The following GOPC variants were observed in gnomAD, a reference collection of about 807,000 sequenced individuals.
GOPC encodes the protein Golgi-associated PDZ and coiled-coil motif-containing protein.
A neutral mutation model predicts 51.2 loss-of-function variants in GOPC; 32 were observed. That is an observed-to-expected ratio of 0.63 (90% confidence interval 0.47 to 0.84). GOPC has a LOEUF of 0.84. Among genes scored for constraint, GOPC ranks in the 40% least tolerant of loss-of-function variants. The probability of loss-of-function intolerance (pLI) is 0.00; values close to 1 mark genes in which losing one functional copy is unlikely to be tolerated. For missense variants in GOPC, 441 were observed against 555.5 expected, an observed-to-expected ratio of 0.79 and a Z score of 2.07; for synonymous variants, 190 against 205.1, an observed-to-expected ratio of 0.93 and a Z score of 0.63.
chr6:117,573,781 T>TAA, intron 4 of GOPC, 149 bp from the exon 5 acceptor site: 1 of 560,312 alleles, frequency 1.8e-6, no homozygotes. Flanking sequence ...CTCTCAGATA[T>TAA]AAAAAAAATA....
Position 117,569,664 on chromosome 6 carries a change from C to T in GOPC, c.985G>A (p.Gly329Arg). 6.2e-7 allele frequency: 1 copy of T among 1,611,784 alleles called. No homozygotes were observed. Among genetic ancestry groups the T allele is most frequent in the East Asian group, 2.2e-5 (1 of 44,740 alleles). Residue 329 changes from glycine (G) to arginine (R), a missense_variant, in exon 7 of 9, where the codon GGG becomes AGG. Transcript: ENST00000368498. The stretch of plus-strand genomic sequence containing the variant: ...AAAATAGCATCCCCAACGTGCAGCC[C>T]TCCGCATCTATCAGCAGGTTGCCCC... ...HPGQPADRCG[G>R]LHVGDAILAV...
intron 8 of GOPC, 109 bp from the exon 9 acceptor site, chr6:117,563,493 G>A: frequency 5.0e-6 from 5 of 1,004,622 alleles, no homozygotes; most frequent in Non-Finnish European, 7.5e-6. Context: ...AGGCCAAGGT[G>A]GGTGGATAAC....
chr6:117,567,465 C>A (rs1017428744), intron 7 of GOPC, among the ~76,000 whole-genome samples: 2 of 151,972 alleles, frequency 1.3e-5, no homozygotes, highest in African/African-American at 4.8e-5. Context: ...TTCAAGAAAC[C>A]CCTAGAAAAT....
At chr6:117,567,130 G>C in intron 7 of GOPC, 96 bp from the exon 8 acceptor site, 1 of 723,308 alleles carries the variant, frequency 1.4e-6, no homozygotes, top group Non-Finnish European at 2.1e-6. Context: ...GGGGTAGAGA[G>C]ATCTAAGAGA....
chr6:117,581,132 A>G (rs1779951055), intron 1 of GOPC, among the ~76,000 whole-genome samples: 1 of 152,202 alleles, frequency 6.6e-6, no homozygotes, highest in South Asian at 2.1e-4. Flanking sequence ...TAAAGAAAAT[A>G]AATAAGTGAA....
chr6:117,579,900 A>G (rs1779933940), intron 1 of GOPC, among the ~76,000 whole-genome samples: 1 of 152,112 alleles, frequency 6.6e-6, no homozygotes, highest in Admixed American at 6.6e-5. Context: ...TATGCCCTTG[A>G]CAAGCTTTCA....
In GOPC at chr6:117,593,264, A is replaced by G. The variant is rs570786906; in HGVS notation, c.285+8740T>C. The stretch of plus-strand genomic sequence containing the variant: ...CCTATTTTACAGAAAAAAAAAAGCC[A>G]TCAGACAGAAACTTCCACAACCTCC... On this transcript the variant is annotated intron_variant, in intron 1 of 8. Transcript: ENST00000368498. 2.0e-5 allele frequency among the ~76,000 whole-genome samples: 3 copies of G among 151,986 alleles called. No homozygotes were observed. The South Asian group carries it at 6.2e-4, about 32-fold the overall frequency.
At chr6:117,583,838 A>C (rs1332989400) in intron 1 of GOPC, among the ~76,000 whole-genome samples, 1 of 152,194 alleles carries the variant, frequency 6.6e-6, no homozygotes, top group Non-Finnish European at 1.5e-5. Flanking sequence ...TCAAACATTT[A>C]ACAAAGTGTT....
In GOPC at chr6:117,568,153, T is replaced by C. The variant is rs986918528; in HGVS notation, c.1078-1119A>G. Reference sequence around the variant, plus strand: ...AGGTTGAGGCTGCAGTGGTCCGTAATTGTGCCACTGCACTCCAGCCTGGGT... The same window carrying C: ...AGGTTGAGGCTGCAGTGGTCCGTAACTGTGCCACTGCACTCCAGCCTGGGT... On this transcript the variant is annotated intron_variant, in intron 7 of 8. Coordinates refer to ENST00000368498, the MANE Select transcript of GOPC (RefSeq NM_020399.4). 2.6e-4 allele frequency among the ~76,000 whole-genome samples: 39 copies of C among 152,038 alleles called. 2 individuals are homozygous for C. Among genetic ancestry groups the C allele is most frequent in the African/African-American group, 9.4e-4 (39 of 41,382 alleles).
intron 2 of GOPC, among the ~76,000 whole-genome samples, chr6:117,577,926 T>C (rs985437970): frequency 2.6e-5 from 4 of 152,074 alleles, no homozygotes; most frequent in Admixed American, 1.3e-4. Flanking sequence ...TAGGAACTAA[T>C]TAACCAAATG....
intron 3 of GOPC, among the ~76,000 whole-genome samples, chr6:117,576,450 C>T (rs771386901): frequency 6.6e-6 from 1 of 152,030 alleles, no homozygotes; most frequent in Non-Finnish European, 1.5e-5. Flanking sequence ...TCAAAAGAAA[C>T]CAGTTTGGAG....
intron 8 of GOPC, 44 bp downstream of exon 8, chr6:117,566,807 TTAA>T: frequency 1.6e-6 from 2 of 1,244,972 alleles, no homozygotes; most frequent in Non-Finnish European, 2.2e-6. Flanking sequence ...TTTTAAACAT[TTAA>T]TAATAATGAA....
At chr6:117,571,660 C>A (rs1779809657) in intron 5 of GOPC, among the ~76,000 whole-genome samples, 1 of 152,136 alleles carries the variant, frequency 6.6e-6, no homozygotes, top group African/African-American at 2.4e-5. Context: ...CCTTGCCACT[C>A]ACATTCAGTC....
chr6:117,587,315 A>C (rs566955742), intron 1 of GOPC, among the ~76,000 whole-genome samples: 1 of 152,170 alleles, frequency 6.6e-6, no homozygotes, highest in Non-Finnish European at 1.5e-5. Flanking sequence ...TTTTATCCAG[A>C]TATGACAACT....
chr6:117,600,146 C>G (rs187196543), intron 1 of GOPC, among the ~76,000 whole-genome samples: 1 of 152,226 alleles, frequency 6.6e-6, no homozygotes, highest in South Asian at 2.1e-4. Flanking sequence ...CTCGAGAAGT[C>G]GAGAGCCTTC....
chr6:117,594,755 A>C (rs1780169240), intron 1 of GOPC, among the ~76,000 whole-genome samples: 1 of 152,220 alleles, frequency 6.6e-6, no homozygotes, highest in Non-Finnish European at 1.5e-5. Flanking sequence ...TTGGCTATGA[A>C]TAATAAATCA....
intron 1 of GOPC, among the ~76,000 whole-genome samples, chr6:117,593,869 T>C (rs1780154721): frequency 6.6e-6 from 1 of 152,206 alleles, no homozygotes; most frequent in East Asian, 1.9e-4. Flanking sequence ...TCTAGGTTTT[T>C]TTTATTTTTA....
At chr6:117,585,607 C>T (rs965815136) in intron 1 of GOPC, among the ~76,000 whole-genome samples, 6 of 152,172 alleles carry the variant, frequency 3.9e-5, no homozygotes, top group Admixed American at 2.6e-4. Flanking sequence ...CTCAGACCTC[C>T]TCCTGACATC....
intron 2 of GOPC, among the ~76,000 whole-genome samples, chr6:117,577,951 C>G (rs372419872): frequency 1.3e-5 from 2 of 151,998 alleles, no homozygotes; most frequent in Non-Finnish European, 2.9e-5. Context: ...TAACTGAAAA[C>G]AAATAAAACT....
Sources: allele counts gnomAD v4.1 joint callset (sites outside exome capture counted in the v4.1 genomes callset), GRCh38; gene constraint gnomAD v4.1.1; transcripts MANE v1.5; gene names NCBI Gene and HGNC (gene_info 2026-07-23, HGNC 2026-07-21).